The following CACNA1C variants were observed in gnomAD, a reference collection of about 807,000 sequenced individuals.
CACNA1C encodes voltage-dependent L-type calcium channel subunit alpha-1C.
In CACNA1C, 30 loss-of-function variants were observed where a neutral mutation model predicts 229.0. That is an observed-to-expected ratio of 0.13 (90% CI 0.10 to 0.18). CACNA1C has a LOEUF of 0.18. Ranked by LOEUF, CACNA1C falls within the 10% of genes least tolerant of loss-of-function variation. The pLI, the probability that CACNA1C is intolerant of heterozygous loss-of-function variation, is 1.00. For missense variants in CACNA1C, 1,658 were observed against 2,845.0 expected (o/e 0.58, Z 9.49); for synonymous variants, 1,114 against 1,132.5 (o/e 0.98, Z 0.33).
chr12:2,653,919 C>T lies in CACNA1C; in HGVS notation c.4140+19C>T, dbSNP rs374647461. Reference sequence around the variant, plus strand: ...GATGCAGGTAGGGAGGCTCCCACCACGGGGCTCCTGGCCTCCCGCTCTGTC... The same window carrying T: ...GATGCAGGTAGGGAGGCTCCCACCATGGGGCTCCTGGCCTCCCGCTCTGTC... On this transcript the variant is annotated intron_variant, in intron 33 of 46. Coordinates refer to ENST00000399655, the MANE Select transcript of CACNA1C (RefSeq NM_000719.7). The surrounding 1 kb of genome is among the most constrained non-coding windows in gnomAD (Gnocchi z 4.7). 2.4e-5 allele frequency: 39 copies of T among 1,609,300 alleles called. No individual in the cohort carries two copies. Among genetic ancestry groups the T allele is most frequent in the Admixed American group, 5.0e-5 (3 of 59,986 alleles).
chr12:2,543,121 A>C (rs948573070), intron 9 of CACNA1C, among the ~76,000 whole-genome samples: 1 of 152,198 alleles, frequency 6.6e-6, no homozygotes, highest in Non-Finnish European at 1.5e-5. Flanking sequence ...GCCCAGAGAA[A>C]CACATTTGGT....
chr12:2,419,055 G>A (rs986348465), intron 3 of CACNA1C, among the ~76,000 whole-genome samples: 1 of 152,224 alleles, frequency 6.6e-6, no homozygotes, highest in Non-Finnish European at 1.5e-5. Context: ...TTACAGATTA[G>A]AAAACTGAGG....
At chr12:2,491,353 A>G (rs911992816) in intron 6 of CACNA1C, among the ~76,000 whole-genome samples, 4 of 152,188 alleles carry the variant, frequency 2.6e-5, no homozygotes, top group Non-Finnish European at 5.9e-5. Flanking sequence ...GTACATTTAC[A>G]TTGATAAATT....
At position 2,481,606 on chromosome 12, in the gene CACNA1C, G is replaced by T. The variant is rs534019212; in HGVS notation, c.758-4498G>T. Among the ~76,000 whole-genome samples the T allele has an allele frequency of 1.9e-4, 29 of 152,284 alleles. 1 individual carries two copies. In the South Asian group the frequency reaches 6.0e-3, roughly 32 times the overall value. On this transcript the variant is annotated intron_variant, in intron 5 of 46. Coordinates refer to ENST00000399655, the MANE Select transcript of CACNA1C (RefSeq NM_000719.7). Reference sequence around the variant, plus strand: ...TGGTACCTTGAGAGTCTTTCCACCCGCCAAGAGGCAGTCACTTGACATGAA... The same window carrying T: ...TGGTACCTTGAGAGTCTTTCCACCCTCCAAGAGGCAGTCACTTGACATGAA...
chr12:2,192,762 C>A (rs1224548661), intron 3 of CACNA1C, among the ~76,000 whole-genome samples: 1 of 151,994 alleles, frequency 6.6e-6, no homozygotes, highest in African/African-American at 2.4e-5. Context: ...TCCCCCCACT[C>A]TCCCCCTCCT....
At chr12:2,397,382 GT>G (rs2154550024) in intron 3 of CACNA1C, among the ~76,000 whole-genome samples, 1 of 152,390 alleles carries the variant, frequency 6.6e-6, no homozygotes, top group African/African-American at 2.4e-5. Flanking sequence ...GCTCAGTTGA[GT>G]GACAGGCCCA....
chr12:1,996,404 G>A (rs758550997), intron 1 of CACNA1C, among the ~76,000 whole-genome samples: 15 of 151,600 alleles, frequency 9.9e-5, no homozygotes, highest in Non-Finnish European at 1.9e-4. Context: ...AACACACCAG[G>A]TTCTCCGCCC....
intron 1 of CACNA1C, among the ~76,000 whole-genome samples, chr12:2,079,697 G>T (rs1250348157): frequency 6.6e-6 from 1 of 151,958 alleles, no homozygotes; most frequent in Non-Finnish European, 1.5e-5. Flanking sequence ...ATATATTTTT[G>T]CCTCAATAAC....
intron 1 of CACNA1C, among the ~76,000 whole-genome samples, chr12:2,022,662 C>T (rs1466947329): frequency 6.6e-6 from 1 of 151,982 alleles, no homozygotes; most frequent in Non-Finnish European, 1.5e-5. Flanking sequence ...CCAGTCTGGT[C>T]TCAAACTCCT....
At chr12:2,135,604 C>T (rs533150978) in intron 3 of CACNA1C, among the ~76,000 whole-genome samples, 1 of 137,606 alleles carries the variant, frequency 7.3e-6, no homozygotes, top group Admixed American at 7.1e-5. Context: ...GGGGTGCCTC[C>T]CAGTTAGGCT....
intron 30 of CACNA1C, among the ~76,000 whole-genome samples, chr12:2,640,024 T>G (rs890495434): frequency 6.6e-6 from 1 of 152,060 alleles, no homozygotes; most frequent in Non-Finnish European, 1.5e-5. Flanking sequence ...GAAATAAAGC[T>G]AAGCGAAGGT....
At chr12:2,420,145 G>GTA (rs1555546993) in intron 3 of CACNA1C, among the ~76,000 whole-genome samples, 1 of 150,292 alleles carries the variant, frequency 6.7e-6, no homozygotes, top group African/African-American at 2.5e-5. Context: ...GTGTGTGTGT[G>GTA]TGTAGGGGGA....
rs1320253461 is a variant in CACNA1C at position 2,152,899 on chromosome 12, A to G, written c.477+32469A>G. On this transcript the variant is annotated intron_variant, in intron 3 of 46. Coordinates refer to ENST00000399655, the MANE Select transcript of CACNA1C (RefSeq NM_000719.7). This position sits in a 1 kb window ranked among gnomAD's most constrained non-coding sequence, Gnocchi z 4.2. ...TCCCGAGTGTCCTACGGCCCTTTAT[A>G]TTGGATAATATTGGAACTGGATTCT... 6.6e-6 allele frequency among the ~76,000 whole-genome samples: 1 copy of G among 152,048 alleles called. No homozygotes were observed. The highest frequency in any genetic ancestry group is 1.5e-5 in the Non-Finnish European group (1 of 68,028).
intron 5 of CACNA1C, among the ~76,000 whole-genome samples, chr12:2,470,472 C>G (rs574664394): frequency 6.6e-6 from 1 of 152,178 alleles, no homozygotes; most frequent in African/African-American, 2.4e-5. Flanking sequence ...GTGATCAATA[C>G]GCAGAACGTG....
At chr12:2,227,888 A>C (rs2154358034) in intron 3 of CACNA1C, among the ~76,000 whole-genome samples, 1 of 152,320 alleles carries the variant, frequency 6.6e-6, no homozygotes, top group African/African-American at 2.4e-5. Context: ...CTTGATGGAC[A>C]TATGGTAATT....
chr12:2,319,815 C>T lies in CACNA1C; in HGVS notation c.478-129161C>T, dbSNP rs1001271085. 2.6e-5 allele frequency among the ~76,000 whole-genome samples: 4 copies of T among 152,096 alleles called. No homozygotes were observed. The highest frequency in any genetic ancestry group is 1.3e-4 in the Admixed American group (2 of 15,280). ...GGAAGGGGCTGGACCCTGAAAGAGC[C>T]TGCCAGGTATCCCCTTCTAGCAGGA... On this transcript the variant is annotated intron_variant, in intron 3 of 46. Coordinates refer to ENST00000399655, the MANE Select transcript of CACNA1C (RefSeq NM_000719.7). This position sits in a 1 kb window ranked among gnomAD's most constrained non-coding sequence, Gnocchi z 4.0.
chr12:2,676,595 T>G (rs2096829288), intron 39 of CACNA1C: 1 of 154,466 alleles, frequency 6.5e-6, no homozygotes, highest in Non-Finnish European at 1.4e-5. Flanking sequence ...AAATCCAAAC[T>G]TCCATGGGAA....
chr12:2,314,200 C>G (rs1240978814), intron 3 of CACNA1C, among the ~76,000 whole-genome samples: 1 of 152,220 alleles, frequency 6.6e-6, no homozygotes, highest in Non-Finnish European at 1.5e-5. Flanking sequence ...CATGCCTCCT[C>G]TTGTTCCAGG....
chr12:2,327,532 C>T (rs1177599846), intron 3 of CACNA1C, among the ~76,000 whole-genome samples: 1 of 152,202 alleles, frequency 6.6e-6, no homozygotes, highest in Admixed American at 6.5e-5. Flanking sequence ...GGTAGAATGA[C>T]AGTCTTTAAC....
Sources: allele counts gnomAD v4.1 joint callset (sites outside exome capture counted in the v4.1 genomes callset), GRCh38; gene constraint gnomAD v4.1.1; non-coding constraint Gnocchi (gnomAD v3.1); transcripts MANE v1.5; gene names NCBI Gene and HGNC (gene_info 2026-07-23, HGNC 2026-07-21).